Variants in PRKG1 observed in about 807,000 individuals in gnomAD.
PRKG1 encodes cGMP-dependent protein kinase 1.
Under a neutral mutation model 88.1 loss-of-function variants are expected in PRKG1, and 35 were observed. That is an observed-to-expected ratio of 0.40 (90% CI 0.30 to 0.53). The LOEUF (loss-of-function observed/expected upper bound fraction) is 0.53. Among genes scored for constraint, PRKG1 ranks in the 20% least tolerant of loss-of-function variants. The pLI, the probability that PRKG1 is intolerant of heterozygous loss-of-function variation, is 0.59. For synonymous variants in PRKG1, 303 were observed against 292.5 expected, an observed-to-expected ratio of 1.04 and a Z score of -0.37; for missense variants, 540 against 839.8, an observed-to-expected ratio of 0.64 and a Z score of 4.41.
chr10:51,870,821 T>C lies in PRKG1; in HGVS notation c.699-36686T>C, dbSNP rs565952286. ...TGTGGTATAAATATCTACACTGTAA[T>C]TGATTTCAAGCAATCAGTGACTGAA... On this transcript the variant is annotated intron_variant, in intron 4 of 17. Coordinates refer to ENST00000373980, the MANE Select transcript of PRKG1 (RefSeq NM_006258.4). 6.6e-5 allele frequency among the ~76,000 whole-genome samples: 10 copies of C among 152,316 alleles called. No homozygotes were observed. In the South Asian group the frequency reaches 2.1e-3, roughly 32 times the overall value.
chr10:51,937,674 A>G (rs185315829), intron 5 of PRKG1, among the ~76,000 whole-genome samples: 3 of 152,142 alleles, frequency 2.0e-5, no homozygotes, highest in Admixed American at 2.0e-4. Flanking sequence ...TTAACTAAAA[A>G]TGAGAGACTT....
chr10:51,510,362 T>A (rs1841358022), intron 3 of PRKG1, among the ~76,000 whole-genome samples: 1 of 152,170 alleles, frequency 6.6e-6, no homozygotes, highest in Non-Finnish European at 1.5e-5. Flanking sequence ...TCTACTCTCT[T>A]AGCAAATTTC....
intron 1 of PRKG1, among the ~76,000 whole-genome samples, chr10:50,996,068 A>G (rs1014332503): frequency 1.3e-5 from 2 of 152,244 alleles, no homozygotes; most frequent in African/African-American, 4.8e-5. Context: ...TCCAGAGTCA[A>G]TTATTTATTA....
intron 5 of PRKG1, among the ~76,000 whole-genome samples, chr10:52,025,345 T>C (rs998201527): frequency 5.9e-5 from 9 of 152,226 alleles, no homozygotes; most frequent in African/African-American, 2.2e-4. Context: ...ATCCCATTTG[T>C]CAATTGTGGC....
chr10:51,235,686 C>T (rs1285782601), intron 2 of PRKG1, among the ~76,000 whole-genome samples: 1 of 151,946 alleles, frequency 6.6e-6, no homozygotes, highest in Non-Finnish European at 1.5e-5. Context: ...TCTGATAGAA[C>T]AAGTGACAGG....
At chr10:52,015,007 CA>C (rs1845000544) in intron 5 of PRKG1, among the ~76,000 whole-genome samples, 1 of 152,220 alleles carries the variant, frequency 6.6e-6, no homozygotes. Flanking sequence ...GTGGCTTTTC[CA>C]AGTGCATAGT....
intron 5 of PRKG1, among the ~76,000 whole-genome samples, chr10:51,999,423 T>TA (rs1844537633): frequency 2.6e-5 from 4 of 152,224 alleles, no homozygotes; most frequent in African/African-American, 9.6e-5. Flanking sequence ...CTTGCCAGCT[T>TA]CGTAGGGATG....
chr10:51,788,152 A>G (rs545402181), intron 3 of PRKG1, among the ~76,000 whole-genome samples: 14 of 152,230 alleles, frequency 9.2e-5, no homozygotes, highest in African/African-American at 2.9e-4. Flanking sequence ...TTTTTTTCCT[A>G]TGGAAGATAC....
chr10:52,226,202 AAACTC>A (rs1840385699), intron 9 of PRKG1, among the ~76,000 whole-genome samples: 1 of 152,224 alleles, frequency 6.6e-6, no homozygotes, highest in Admixed American at 6.5e-5. Context: ...TTTGATTACA[AAACTC>A]AGATTACTTA....
chr10:51,175,872 T>A (rs970762506), intron 2 of PRKG1, among the ~76,000 whole-genome samples: 1 of 152,132 alleles, frequency 6.6e-6, no homozygotes, highest in African/African-American at 2.4e-5. Context: ...ATTAATTGCA[T>A]AATTTAGCTC....
chr10:52,075,476 T>TA (rs1269114813), intron 7 of PRKG1, among the ~76,000 whole-genome samples: 2 of 152,220 alleles, frequency 1.3e-5, no homozygotes, highest in Non-Finnish European at 2.9e-5. Flanking sequence ...TTTGGAAGAC[T>TA]AACTCCATCT....
chr10:52,134,850 G>A (rs1009655258), intron 8 of PRKG1, among the ~76,000 whole-genome samples: 3 of 152,090 alleles, frequency 2.0e-5, no homozygotes, highest in Admixed American at 6.6e-5. Flanking sequence ...TTCTATGCTG[G>A]ATCACTAGAA....
At chr10:51,716,634 G>A (rs998475742) in intron 3 of PRKG1, among the ~76,000 whole-genome samples, 4 of 152,050 alleles carry the variant, frequency 2.6e-5, no homozygotes, top group Admixed American at 2.0e-4. Flanking sequence ...CCTGATTTCT[G>A]GTTTTGTCTC....
intron 3 of PRKG1, among the ~76,000 whole-genome samples, chr10:51,720,312 TA>T (rs56048728): frequency 0.44 from 66,986 of 151,732 alleles, 15,374 homozygotes; most frequent in Middle Eastern, 0.57. Context: ...CATTCATACC[TA>T]AAAGTTCCAA....
At chr10:51,624,227 A>G (rs1026354561) in intron 3 of PRKG1, among the ~76,000 whole-genome samples, 1 of 152,192 alleles carries the variant, frequency 6.6e-6, no homozygotes, top group African/African-American at 2.4e-5. Flanking sequence ...AGCAGTAATG[A>G]TTGACAAATA....
chr10:51,416,923 T>C (rs1055041120), intron 2 of PRKG1, among the ~76,000 whole-genome samples: 1 of 152,136 alleles, frequency 6.6e-6, no homozygotes, highest in African/African-American at 2.4e-5. Context: ...GAAAAGATAG[T>C]TCTATTTATC....
At chr10:50,999,418 G>GTAA (rs562942057) in intron 1 of PRKG1, among the ~76,000 whole-genome samples, 36 of 152,290 alleles carry the variant, frequency 2.4e-4, no homozygotes, top group African/African-American at 7.2e-4. Context: ...TGTTTTATTT[G>GTAA]TAATAGGTAT....
At chr10:51,106,724 G>T (rs1439002545) in intron 1 of PRKG1, among the ~76,000 whole-genome samples, 2 of 152,166 alleles carry the variant, frequency 1.3e-5, no homozygotes, top group African/African-American at 4.8e-5. Flanking sequence ...AACAAATTAA[G>T]TTGTGGTTTG....
At position 52,033,859 on chromosome 10, in the gene PRKG1, A is replaced by G. The variant is rs193173811; in HGVS notation, c.763-20625A>G. On this transcript the variant is annotated intron_variant, in intron 5 of 17. Coordinates refer to ENST00000373980, the MANE Select transcript of PRKG1 (RefSeq NM_006258.4). ...GCGGACTGAGTCCGAAAAGAGAGTC[A>G]GTGAAGGGAGATAGGGGTGGGGCCG... is the stretch of plus-strand genomic sequence containing the variant. 5.5e-3 allele frequency among the ~76,000 whole-genome samples: 842 copies of G among 151,986 alleles called. 9 individuals are homozygous for G. Among genetic ancestry groups the G allele is most frequent in the African/African-American group, 9.9e-3 (412 of 41,420 alleles).
Sources: allele counts gnomAD v4.1 joint callset (sites outside exome capture counted in the v4.1 genomes callset), GRCh38; gene constraint gnomAD v4.1.1; transcripts MANE v1.5; gene names NCBI Gene and HGNC (gene_info 2026-07-23, HGNC 2026-07-21).